The following AGBL4 variants were observed in gnomAD, a reference collection of about 807,000 sequenced individuals.
AGBL4 encodes the protein AGBL carboxypeptidase 4.
AGBL4 carries 58 observed loss-of-function variants against 66.4 expected under a neutral mutation model. The ratio of observed to expected loss-of-function variants is 0.87; its 90% confidence interval spans 0.71 to 1.09. The LOEUF is 1.09. AGBL4 is among the 50% of genes least tolerant of loss of function. The probability of loss-of-function intolerance (pLI) is 0.00; values close to 1 mark genes in which losing one functional copy is unlikely to be tolerated. For synonymous variants in AGBL4, 234 were observed against 222.9 expected, an observed-to-expected ratio of 1.05 and a Z score of -0.44; for missense variants, 579 against 631.0, an observed-to-expected ratio of 0.92 and a Z score of 0.88.
At chr1:48,710,348 A>C (rs2148517036) in intron 6 of AGBL4, among the ~76,000 whole-genome samples, 1 of 152,258 alleles carries the variant, frequency 6.6e-6, no homozygotes, top group East Asian at 1.9e-4. Flanking sequence ...CACTGGAGGA[A>C]ACTAACTTTC....
chr1:49,909,333 G>C (rs527943421), intron 1 of AGBL4, among the ~76,000 whole-genome samples: 1 of 152,260 alleles, frequency 6.6e-6, no homozygotes, highest in East Asian at 1.9e-4. Flanking sequence ...AAGTAAAGGA[G>C]ATAGAGGGTT....
chr1:49,479,703 C>CA (rs1646916467), intron 3 of AGBL4, among the ~76,000 whole-genome samples: 1 of 136,890 alleles, frequency 7.3e-6, no homozygotes, highest in Non-Finnish European at 1.6e-5. Flanking sequence ...TTCTTTTTTT[C>CA]TTTTTTTTTT....
At chr1:49,412,369 C>A in intron 3 of AGBL4, among the ~76,000 whole-genome samples, 1 of 152,226 alleles carries the variant, frequency 6.6e-6, no homozygotes, top group Middle Eastern at 3.4e-3. Context: ...TATAAGAACA[C>A]TAATCCCATT....
intron 4 of AGBL4, among the ~76,000 whole-genome samples, chr1:49,117,942 T>C (rs922338540): frequency 6.6e-6 from 1 of 152,194 alleles, no homozygotes; most frequent in African/African-American, 2.4e-5. Flanking sequence ...TCACATCCCT[T>C]GTAAGTTGGA....
At chr1:49,133,928 CAT>C (rs779658403) in intron 4 of AGBL4, among the ~76,000 whole-genome samples, 5 of 150,230 alleles carry the variant, frequency 3.3e-5, no homozygotes, top group Admixed American at 1.3e-4. Context: ...TATTCTAATA[CAT>C]ATATATATAT....
intron 3 of AGBL4, among the ~76,000 whole-genome samples, chr1:49,677,241 G>C (rs1646598546): frequency 6.6e-6 from 1 of 151,950 alleles, no homozygotes; most frequent in African/African-American, 2.4e-5. Context: ...TATAATCTCT[G>C]TAACCCCAAT....
At chr1:49,969,991 G>C (rs1201869526) in intron 1 of AGBL4, among the ~76,000 whole-genome samples, 2 of 152,186 alleles carry the variant, frequency 1.3e-5, no homozygotes, top group Non-Finnish European at 2.9e-5. Context: ...AAGAATACAT[G>C]ATGGGGAAAG....
rs575079078 is a variant in AGBL4 at position 49,160,330 on chromosome 1, G to C, written c.377+85440C>G. Among the ~76,000 whole-genome samples the C allele has an allele frequency of 1.3e-4, 20 of 152,272 alleles. No homozygotes were observed. The South Asian group carries it at 3.9e-3, about 30-fold the overall frequency. ...CTAACAGTCAGGCCCCTCTGCTGCA[G>C]GTCTGCTGGAGTTTGCTGGAGGTCC... is the stretch of plus-strand genomic sequence containing the variant. On this transcript the variant is annotated intron_variant, in intron 4 of 13. Coordinates refer to ENST00000371839, the MANE Select transcript of AGBL4 (RefSeq NM_032785.4).
intron 6 of AGBL4, among the ~76,000 whole-genome samples, chr1:48,749,028 A>G (rs1651229712): frequency 6.6e-6 from 1 of 152,090 alleles, no homozygotes; most frequent in Non-Finnish European, 1.5e-5. Flanking sequence ...AATGGATCCG[A>G]GAGAGCCCCC....
intron 3 of AGBL4, among the ~76,000 whole-genome samples, chr1:49,566,867 T>A (rs1379743214): frequency 6.6e-6 from 1 of 152,176 alleles, no homozygotes; most frequent in Non-Finnish European, 1.5e-5. Context: ...ATTGCTGTCT[T>A]TTGTTTGTCT....
intron 3 of AGBL4, among the ~76,000 whole-genome samples, chr1:49,456,553 T>G (rs914994055): frequency 3.3e-5 from 5 of 151,716 alleles, no homozygotes; most frequent in African/African-American, 1.2e-4. Context: ...ATTTTTCCTG[T>G]GTGAGGCAAT....
intron 1 of AGBL4, among the ~76,000 whole-genome samples, chr1:49,976,402 T>C (rs1658561210): frequency 6.6e-6 from 1 of 152,166 alleles, no homozygotes; most frequent in Non-Finnish European, 1.5e-5. Flanking sequence ...ATAACTGCAC[T>C]AGATAGATAT....
intron 3 of AGBL4, among the ~76,000 whole-genome samples, chr1:49,256,023 A>C (rs540379277): frequency 6.6e-6 from 1 of 152,142 alleles, no homozygotes; most frequent in Non-Finnish European, 1.5e-5. Context: ...AAAAAGTGGG[A>C]GAATGGAAAT....
chr1:48,717,693 A>G (rs1399920226), intron 6 of AGBL4, among the ~76,000 whole-genome samples: 1 of 152,204 alleles, frequency 6.6e-6, no homozygotes, highest in Non-Finnish European at 1.5e-5. Context: ...TCTCTTTGCC[A>G]TATAGCACAG....
intron 3 of AGBL4, among the ~76,000 whole-genome samples, chr1:49,292,350 G>T (rs1235615816): frequency 6.6e-6 from 1 of 152,190 alleles, no homozygotes; most frequent in Non-Finnish European, 1.5e-5. Context: ...GGCAGAAGGG[G>T]CCAGGTCCCC....
At chr1:49,417,917 T>C (rs1391048400) in intron 3 of AGBL4, among the ~76,000 whole-genome samples, 4 of 152,182 alleles carry the variant, frequency 2.6e-5, no homozygotes, top group African/African-American at 9.6e-5. Flanking sequence ...ATGGATCCTC[T>C]GTATAATATG....
chr1:48,715,234 G>A (rs566813338), intron 6 of AGBL4, among the ~76,000 whole-genome samples: 2 of 151,966 alleles, frequency 1.3e-5, no homozygotes, highest in South Asian at 4.2e-4. Flanking sequence ...ACCCCTCCTC[G>A]GGCCCAGCTC....
intron 1 of AGBL4, among the ~76,000 whole-genome samples, chr1:50,019,300 T>TCACACACA (rs1321424494): frequency 2.8e-4 from 20 of 72,136 alleles, no homozygotes; most frequent in East Asian, 2.1e-3. Flanking sequence ...TCTCTCTCTC[T>TCACACACA]CTCTCTCACA....
chr1:49,772,018 A>G (rs994682719), intron 2 of AGBL4, among the ~76,000 whole-genome samples: 3 of 152,000 alleles, frequency 2.0e-5, no homozygotes, highest in Non-Finnish European at 4.4e-5. Context: ...CATTATATTA[A>G]TCATTTTTTC....
Sources: gnomAD v4.1 joint callset for allele counts (sites outside exome capture counted in the v4.1 genomes callset) on GRCh38, gnomAD v4.1.1 for gene constraint, MANE v1.5 for transcripts, NCBI Gene and HGNC (gene_info 2026-07-23, HGNC 2026-07-21) for gene names.